Variants in ACAD11 observed in about 807,000 individuals in gnomAD.
The protein encoded by ACAD11 is acyl-Coenzyme A dehydrogenase family, member 11.
ACAD11 carries 83 observed loss-of-function variants against 102.2 expected under a neutral mutation model. The observed-to-expected ratio is 0.81, with a 90% CI of 0.68 to 0.97. The LOEUF (loss-of-function observed/expected upper bound fraction) is 0.97. ACAD11 is among the 50% of genes least tolerant of loss of function. The probability of loss-of-function intolerance (pLI) is 0.00; values close to 1 mark genes in which losing one functional copy is unlikely to be tolerated. For synonymous variants in ACAD11, 324 were observed against 319.8 expected, an observed-to-expected ratio of 1.01 and a Z score of -0.14; for missense variants, 901 against 951.7, an observed-to-expected ratio of 0.95 and a Z score of 0.70.
intron 13 of ACAD11, among the ~76,000 whole-genome samples, chr3:132,584,227 A>G (rs773870902): frequency 3.9e-5 from 6 of 152,162 alleles, no homozygotes; most frequent in Non-Finnish European, 8.8e-5. Context: ...GTCTTGCTTT[A>G]TAAATCTGGG....
At chr3:132,654,908 G>A (rs762991189) in intron 1 of ACAD11, among the ~76,000 whole-genome samples, 2 of 152,178 alleles carry the variant, frequency 1.3e-5, no homozygotes, top group Non-Finnish European at 2.9e-5. Context: ...ATTTGAACCC[G>A]ATAGGACACA....
chr3:132,653,307 C>T (rs936918206), intron 1 of ACAD11, among the ~76,000 whole-genome samples: 7 of 152,134 alleles, frequency 4.6e-5, no homozygotes, highest in South Asian at 2.1e-4. Context: ...CCTATTTCAA[C>T]GAGCAAATAG....
intron 1 of ACAD11, among the ~76,000 whole-genome samples, chr3:132,656,369 T>C (rs192833582): frequency 1.8e-4 from 27 of 152,296 alleles, no homozygotes; most frequent in African/African-American, 6.5e-4. Flanking sequence ...AGGTCATAGG[T>C]CATGTGTATC....
At chr3:132,564,043 G>T (rs1230807384) in intron 17 of ACAD11, among the ~76,000 whole-genome samples, 1 of 152,042 alleles carries the variant, frequency 6.6e-6, no homozygotes, top group African/African-American at 2.4e-5. Context: ...TTTTTTTAAT[G>T]TTCATGCAGT....
chr3:132,659,524 G>A lies in ACAD11; in HGVS notation c.149+79C>T. 3.1e-6 allele frequency: 5 copies of A among 1,588,898 alleles called. No individual in the cohort carries two copies. The East Asian group carries it at 6.8e-5, about 22-fold the overall frequency. On this transcript the variant is annotated intron_variant, in intron 1 of 19. Coordinates refer to ENST00000264990, the MANE Select transcript of ACAD11 (RefSeq NM_032169.5). ...AAGCAATCAGGGTGGGAGAAACTTA[G>A]GAAACCACCCAGGGCCAAAGGAAGG...
chr3:132,609,158 T>A (rs537526894), intron 11 of ACAD11, among the ~76,000 whole-genome samples: 52 of 152,264 alleles, frequency 3.4e-4, no homozygotes, highest in African/African-American at 1.3e-3. Flanking sequence ...AGAGGGAAAT[T>A]TTTAGCACTA....
chr3:132,594,138 C>G (rs750360954), intron 13 of ACAD11, among the ~76,000 whole-genome samples: 2 of 152,170 alleles, frequency 1.3e-5, no homozygotes, highest in Non-Finnish European at 2.9e-5. Context: ...GGAAGCTGCT[C>G]AATCCTGAGA....
rs940416343 is a variant in ACAD11 at position 132,558,825 on chromosome 3, C to G, written c.*146G>C. The stretch of plus-strand genomic sequence containing the variant: ...CCTTGAAATAATAAAACCCACTGAT[C>G]AAAATAGATGCTATAATCTTTACCA... On this transcript the variant is annotated 3_prime_UTR_variant, in exon 20 of 20. Transcript: ENST00000264990. 26 of 621,016 alleles carry G rather than the reference C, an allele frequency of 4.2e-5. 2 individuals carry two copies. The highest frequency in any genetic ancestry group is 2.8e-4 in the South Asian group (13 of 46,048). 38.5% of individuals were successfully genotyped at this position (621,016 alleles called of 1,614,324 possible).
At position 132,619,646 on chromosome 3, in the gene ACAD11, A is replaced by T. The variant is rs1939538055; in HGVS notation, c.1198-101T>A. ...CTAAAATAAACATTTTTAGGTGAAGATGCTTTTTCAGCTATTATTAAACCA... is the reference window on the plus strand; with the variant it reads ...CTAAAATAAACATTTTTAGGTGAAGTTGCTTTTTCAGCTATTATTAAACCA... On this transcript the variant is annotated intron_variant, in intron 9 of 19. Coordinates refer to ENST00000264990, the MANE Select transcript of ACAD11 (RefSeq NM_032169.5). The T allele has an allele frequency of 1.9e-5, 11 of 593,598 alleles. No homozygotes were observed. In the South Asian group the frequency reaches 2.9e-4, roughly 15 times the overall value. 36.8% of individuals were successfully genotyped at this position (593,598 alleles called of 1,614,324 possible).
chr3:132,561,433 T>C, intron 17 of ACAD11: 1 of 517,712 alleles, frequency 1.9e-6, no homozygotes, highest in Admixed American at 2.8e-5. Flanking sequence ...AATTGAAATA[T>C]TTTAGAAAGA....
chr3:132,619,682 C>A (rs1449891161), intron 9 of ACAD11, 137 bp from the exon 10 acceptor site: 11 of 487,360 alleles, frequency 2.3e-5, no homozygotes, highest in Non-Finnish European at 3.6e-5. Context: ...GACACAGAAG[C>A]ATAAAACATT....
At position 132,578,892 on chromosome 3, in the gene ACAD11, G is replaced by T; in HGVS notation, c.1689-11C>A. 6.2e-7 allele frequency: 1 copy of T among 1,610,936 alleles called. No homozygotes were observed. On this transcript the variant is annotated splice_polypyrimidine_tract_variant and intron_variant, in intron 14 of 19. Coordinates refer to ENST00000264990, the MANE Select transcript of ACAD11 (RefSeq NM_032169.5). ...CTGTGCTGTTTGTGTCTAGTCAAAAGAAAAATTGTATTAGAAAAAGTTTGC... is the reference window on the plus strand; with the variant it reads ...CTGTGCTGTTTGTGTCTAGTCAAAATAAAAATTGTATTAGAAAAAGTTTGC...
chr3:132,621,779 T>C (rs1939616693), intron 9 of ACAD11, among the ~76,000 whole-genome samples: 1 of 60,316 alleles, frequency 1.7e-5, no homozygotes, highest in South Asian at 5.8e-4. Context: ...CCTACCTGTC[T>C]TTACCAAATG....
chr3:132,574,805 C>A (rs1283560441), intron 17 of ACAD11, among the ~76,000 whole-genome samples: 1 of 151,944 alleles, frequency 6.6e-6, no homozygotes, highest in Non-Finnish European at 1.5e-5. Context: ...TGAAATAATA[C>A]CTTCTATTTC....
chr3:132,575,722 T>C, intron 17 of ACAD11, 50 bp downstream of exon 17: 1 of 1,604,872 alleles, frequency 6.2e-7, no homozygotes, highest in Non-Finnish European at 8.5e-7. Flanking sequence ...TGTTCAATGT[T>C]AGTGTAGTGC....
At chr3:132,646,402 A>C (rs561947302) in intron 1 of ACAD11, 1 of 152,356 alleles carries the variant, frequency 6.6e-6, no homozygotes, top group South Asian at 2.1e-4. Context: ...TCTGGCAACA[A>C]TGAATCTTAC....
intron 11 of ACAD11, among the ~76,000 whole-genome samples, chr3:132,616,806 CTT>C (rs1491177868): frequency 1.3e-5 from 2 of 152,118 alleles, no homozygotes; most frequent in Non-Finnish European, 2.9e-5. Context: ...TGTGAATAGA[CTT>C]TAATTTTACA....
At chr3:132,631,895 T>C (rs922438058) in intron 5 of ACAD11, among the ~76,000 whole-genome samples, 2 of 152,248 alleles carry the variant, frequency 1.3e-5, no homozygotes, top group South Asian at 4.1e-4. Flanking sequence ...CCATCCATGG[T>C]ACTTTTAAAA....
chr3:132,600,504 T>A (rs1938523900), intron 13 of ACAD11: 1 of 1,613,812 alleles, frequency 6.2e-7, no homozygotes, highest in Admixed American at 1.7e-5. Flanking sequence ...AAAGAAGATG[T>A]CAGAGAATTT....
Sources: gnomAD v4.1 joint callset for allele counts (sites outside exome capture counted in the v4.1 genomes callset) on GRCh38, gnomAD v4.1.1 for gene constraint, MANE v1.5 for transcripts, NCBI Gene and HGNC (gene_info 2026-07-23, HGNC 2026-07-21) for gene names.